Variants in ABCB5 observed in about 807,000 individuals in gnomAD.
ABCB5 encodes ATP-binding cassette sub-family B member 5.
ABCB5 carries 155 observed loss-of-function variants against 144.2 expected under a neutral mutation model. The observed-to-expected ratio is 1.08, with a 90% confidence interval of 0.94 to 1.23. The LOEUF (loss-of-function observed/expected upper bound fraction) is 1.23, where lower values mean the gene tolerates loss of function less well. ABCB5 is among the 50% of genes most tolerant of loss of function. The probability of loss-of-function intolerance (pLI) is 0.00; values close to 1 mark genes in which losing one functional copy is unlikely to be tolerated. For missense variants in ABCB5, 1,830 were observed against 1,520.8 expected (o/e 1.20, Z -3.38); for synonymous variants, 610 against 528.6 (o/e 1.15, Z -2.11).
At chr7:20,641,374 CACAA>C (rs1325018410) in intron 5 of ABCB5, among the ~76,000 whole-genome samples, 2 of 151,798 alleles carry the variant, frequency 1.3e-5, no homozygotes, top group Non-Finnish European at 2.9e-5. Context: ...CACACACACA[CACAA>C]ACTATAAAAC....
intron 3 of ABCB5, 83 bp from the exon 4 acceptor site, chr7:20,628,605 G>A (rs2128018293): frequency 2.1e-6 from 3 of 1,429,556 alleles, no homozygotes; most frequent in East Asian, 2.4e-5. Flanking sequence ...GGCAAAGGCT[G>A]TAGGCTGTTG....
chr7:20,628,984 C>A (rs770342278), intron 4 of ABCB5, 146 bp downstream of exon 4: 115 of 901,358 alleles, frequency 1.3e-4, no homozygotes, highest in Non-Finnish European at 1.7e-4. Context: ...TGCCATATTG[C>A]TGGGCACTAA....
At chr7:20,711,124 T>C (rs1260782102) in intron 20 of ABCB5, among the ~76,000 whole-genome samples, 8 of 140,728 alleles carry the variant, frequency 5.7e-5, no homozygotes, top group African/African-American at 1.8e-4. Context: ...TCTCCTTCTA[T>C]ATATGTAATA....
intron 14 of ABCB5, among the ~76,000 whole-genome samples, chr7:20,668,608 C>T (rs1785316716): frequency 6.8e-6 from 1 of 148,096 alleles, no homozygotes; most frequent in South Asian, 2.1e-4. Context: ...GGGGTCAGCC[C>T]CCCGCCCGGC....
intron 20 of ABCB5, among the ~76,000 whole-genome samples, chr7:20,720,943 CAAAAAAAA>C (rs71020677): frequency 1.4e-5 from 1 of 71,058 alleles, no homozygotes; most frequent in Non-Finnish European, 2.6e-5. Flanking sequence ...AACTCTGCCT[CAAAAAAAA>C]AAAAAAAAAA....
intron 19 of ABCB5, among the ~76,000 whole-genome samples, chr7:20,700,949 T>G (rs1272609880): frequency 6.6e-6 from 1 of 152,210 alleles, no homozygotes; most frequent in Non-Finnish European, 1.5e-5. Context: ...TTAAGTCTTA[T>G]GACTTTTAGG....
In ABCB5 at chr7:20,728,541, G is replaced by C; in HGVS notation, c.2867+86G>C. 33 of 1,462,264 alleles carry C rather than the reference G, an allele frequency of 2.3e-5. No homozygotes were observed. In the South Asian group the frequency reaches 4.2e-4, roughly 18 times the overall value. The allele number at this position is 1,462,264 out of a possible 1,614,324, so 90.6% of individuals were successfully genotyped here. On this transcript the variant is annotated intron_variant, in intron 23 of 27. Transcript: ENST00000404938. ...GGCTGAGGCGGGTGGATCACTTGAG[G>C]TCAGGAGTTTGAGATCAGCCTGACC...
intron 10 of ABCB5, 82 bp downstream of exon 10, chr7:20,647,730 A>G: frequency 1.3e-6 from 2 of 1,514,996 alleles, no homozygotes; most frequent in Non-Finnish European, 1.8e-6. Context: ...ATTTTCACTA[A>G]AACAATAGGA....
chr7:20,642,020 T>G (rs989303597), intron 5 of ABCB5: 1 of 152,310 alleles, frequency 6.6e-6, no homozygotes, highest in Non-Finnish European at 1.5e-5. Context: ...GCCCCCATTC[T>G]TCTCACCTTG....
At chr7:20,693,088 T>C (rs1786288255) in intron 16 of ABCB5, among the ~76,000 whole-genome samples, 1 of 152,166 alleles carries the variant, frequency 6.6e-6, no homozygotes, top group African/African-American at 2.4e-5. Context: ...TCAAATGCAC[T>C]TGAAACATTT....
chr7:20,631,472 A>G (rs1271568766), intron 4 of ABCB5, among the ~76,000 whole-genome samples: 2 of 152,162 alleles, frequency 1.3e-5, no homozygotes, highest in Non-Finnish European at 2.9e-5. Flanking sequence ...GATATCAACC[A>G]TGGTTTTGTG....
intron 27 of ABCB5, among the ~76,000 whole-genome samples, chr7:20,754,346 TAAAC>T (rs1783019061): frequency 6.6e-6 from 1 of 152,170 alleles, no homozygotes; most frequent in African/African-American, 2.4e-5. Context: ...TTATGAAAAA[TAAAC>T]AACAACTAAC....
At chr7:20,714,883 A>G (rs1781622757) in intron 20 of ABCB5, among the ~76,000 whole-genome samples, 1 of 152,194 alleles carries the variant, frequency 6.6e-6, no homozygotes, top group Admixed American at 6.5e-5. Flanking sequence ...GTTGGTGTGT[A>G]TAGTCCTTAG....
intron 20 of ABCB5, among the ~76,000 whole-genome samples, chr7:20,715,338 G>T (rs1319469814): frequency 6.6e-6 from 1 of 151,730 alleles, no homozygotes; most frequent in African/African-American, 2.4e-5. Context: ...GAGCCGCCGC[G>T]CATGGCCTCT....
intron 19 of ABCB5, among the ~76,000 whole-genome samples, chr7:20,700,785 T>G (rs556404372): frequency 1.3e-5 from 2 of 152,324 alleles, no homozygotes; most frequent in African/African-American, 4.8e-5. Context: ...TAAAATGTAT[T>G]GGGTTACCCT....
chr7:20,676,232 A>G (rs1785602802), intron 14 of ABCB5, among the ~76,000 whole-genome samples: 2 of 151,884 alleles, frequency 1.3e-5, no homozygotes, highest in Non-Finnish European at 2.9e-5. Flanking sequence ...TAATTCCAAT[A>G]ATCTGGATAT....
chr7:20,634,203 A>T (rs1410112864), intron 5 of ABCB5, among the ~76,000 whole-genome samples: 2 of 144,950 alleles, frequency 1.4e-5, no homozygotes, highest in Admixed American at 6.9e-5. Flanking sequence ...ACAAACCATG[A>T]TCTCATTATT....
chr7:20,685,846 C>G lies in ABCB5; in HGVS notation c.2010+10C>G, dbSNP rs1785976582. 1 of 1,571,266 alleles carries G rather than the reference C, an allele frequency of 6.4e-7. No individual in the cohort carries two copies. Among genetic ancestry groups the G allele is most frequent in the Non-Finnish European group, 8.6e-7 (1 of 1,165,120 alleles). ...CACCCAATCTAAAGAGGTAATGGCT[C>G]AGCGATCAACCAGTTTTTCCTGCAT... On this transcript the variant is annotated intron_variant, in intron 16 of 27. Transcript: ENST00000404938.
At chr7:20,668,625 C>G (rs1472270506) in intron 14 of ABCB5, among the ~76,000 whole-genome samples, 306 of 147,226 alleles carry the variant, frequency 2.1e-3, no homozygotes, top group Non-Finnish European at 2.7e-3. Flanking sequence ...CGGCCAGCCG[C>G]CCCGTCCGGG....
Sources: gnomAD v4.1 joint callset for allele counts (sites outside exome capture counted in the v4.1 genomes callset) on GRCh38, gnomAD v4.1.1 for gene constraint, MANE v1.5 for transcripts, NCBI Gene and HGNC (gene_info 2026-07-23, HGNC 2026-07-21) for gene names.